ANKRD30B: variants seen among roughly 807,000 people sequenced by gnomAD.
The protein encoded by ANKRD30B is ankyrin repeat domain 30B.
ANKRD30B carries 144 observed loss-of-function variants against 202.2 expected under a neutral mutation model. The ratio of observed to expected loss-of-function variants is 0.71; its 90% CI spans 0.62 to 0.82. The LOEUF (loss-of-function observed/expected upper bound fraction) is 0.82, where lower values mean the gene tolerates loss of function less well. Ranked by LOEUF, ANKRD30B falls within the 40% of genes least tolerant of loss-of-function variation. The pLI is 0.00. For synonymous variants in ANKRD30B, 508 were observed against 561.3 expected (o/e 0.91, Z 1.34); for missense variants, 1,487 against 1,669.1 (o/e 0.89, Z 1.90).
the ANKRD30B span, among the ~76,000 whole-genome samples, chr18:14,938,141 C>T: frequency 6.6e-6 from 1 of 152,222 alleles, no homozygotes; most frequent in African/African-American, 2.4e-5. Flanking sequence ...TGCATAAACA[C>T]CGAGTCTCAG....
In ANKRD30B at chr18:14,796,438, T is replaced by C. The variant is rs767945807; in HGVS notation, c.1927+23T>C. ...CAGGTAAATTTTGTAATTTAACTTTTAATCTGTAATTAAGAATATTAAACT... is the reference window on the plus strand; with the variant it reads ...CAGGTAAATTTTGTAATTTAACTTTCAATCTGTAATTAAGAATATTAAACT... On this transcript the variant is annotated intron_variant, in intron 18 of 43. Coordinates refer to ENST00000690538, the MANE Select transcript of ANKRD30B (RefSeq NM_001367607.2). 22 of 1,534,272 alleles carry C rather than the reference T, an allele frequency of 1.4e-5. No homozygotes were observed. In the African/African-American group the frequency reaches 2.9e-4, roughly 20 times the overall value.
chr18:14,789,478 T>A (rs1300341331), intron 15 of ANKRD30B, among the ~76,000 whole-genome samples: 2 of 152,188 alleles, frequency 1.3e-5, no homozygotes, highest in Non-Finnish European at 2.9e-5. Flanking sequence ...GCCTATGTCC[T>A]GAATGGTAAT....
At chr18:14,837,056 C>T (rs1971206516) in intron 34 of ANKRD30B, 155 bp from the exon 35 acceptor site, 1 of 547,614 alleles carries the variant, frequency 1.8e-6, no homozygotes, top group Non-Finnish European at 3.3e-6. Flanking sequence ...TTCTGCTTCT[C>T]CCAGGATAGT....
At chr18:14,794,083 C>G (rs1193522347) in intron 16 of ANKRD30B, among the ~76,000 whole-genome samples, 1 of 152,106 alleles carries the variant, frequency 6.6e-6, no homozygotes, top group Non-Finnish European at 1.5e-5. Context: ...CACAGCCATA[C>G]ATTTCAATAG....
chr18:14,749,966 TA>T (rs1913165873), intron 1 of ANKRD30B, among the ~76,000 whole-genome samples: 1 of 151,846 alleles, frequency 6.6e-6, no homozygotes. Flanking sequence ...GAATATAGAT[TA>T]AAAATTTTTA....
Position 14,797,754 on chromosome 18 carries a change from T to TA in ANKRD30B, c.1957-26dup, listed in dbSNP as rs374004593. The TA allele has an allele frequency of 1.7e-4, 263 of 1,593,298 alleles. 1 individual carries two copies. The African/African-American group carries it at 2.7e-3, about 16-fold the overall frequency. On this transcript the variant is annotated intron_variant, in intron 19 of 43. Coordinates refer to ENST00000690538, the MANE Select transcript of ANKRD30B (RefSeq NM_001367607.2). The stretch of plus-strand genomic sequence containing the variant: ...TATTTTTGAAGTGTACATTATATAT[T>TA]AATTTTTGTGTTTCCGAACCCATTT...
the ANKRD30B span, among the ~76,000 whole-genome samples, chr18:14,866,374 G>T: frequency 7.3e-5 from 11 of 151,424 alleles, no homozygotes; most frequent in African/African-American, 2.2e-4. Flanking sequence ...GTGGTAGGAG[G>T]GGGGCTGGAG....
chr18:14,893,438 C>A, the ANKRD30B span, among the ~76,000 whole-genome samples: 4 of 148,758 alleles, frequency 2.7e-5, no homozygotes, highest in African/African-American at 1.0e-4. Context: ...TGGTGAAACC[C>A]CATCTCTACT....
At chr18:14,803,458 T>C (rs1182916449) in intron 23 of ANKRD30B, among the ~76,000 whole-genome samples, 7 of 134,238 alleles carry the variant, frequency 5.2e-5, no homozygotes, top group African/African-American at 1.7e-4. Context: ...CTTTCTGAAA[T>C]ATGCACGAGT....
chr18:14,798,641 G>GC (rs570664893), intron 20 of ANKRD30B, among the ~76,000 whole-genome samples: 260 of 152,168 alleles, frequency 1.7e-3, no homozygotes, highest in African/African-American at 5.9e-3. Flanking sequence ...ATATGGACAG[G>GC]CACCCCCCTC....
At chr18:14,750,906 T>TA (rs1215819067) in intron 1 of ANKRD30B, among the ~76,000 whole-genome samples, 4 of 152,090 alleles carry the variant, frequency 2.6e-5, no homozygotes, top group Non-Finnish European at 5.9e-5. Context: ...TGTTTTAATA[T>TA]AAAATGTTTT....
the ANKRD30B span, among the ~76,000 whole-genome samples, chr18:14,861,133 G>A: frequency 6.6e-6 from 1 of 152,126 alleles, no homozygotes; most frequent in Admixed American, 6.5e-5. Context: ...AAGGAGTTTG[G>A]CTCGTGAAAA....
chr18:14,931,903 CCCCCA>C, the ANKRD30B span, among the ~76,000 whole-genome samples: 1 of 144,626 alleles, frequency 6.9e-6, no homozygotes, highest in Admixed American at 6.9e-5. Flanking sequence ...TGTCCCAGGC[CCCCCA>C]CCCCACCTCC....
chr18:14,800,023 G>A (rs181950797), intron 22 of ANKRD30B, among the ~76,000 whole-genome samples: 1,682 of 151,866 alleles, frequency 0.011, 37 homozygotes, highest in African/African-American at 0.039. Flanking sequence ...TTAAGGTCAG[G>A]AGTCGCAGAC....
At chr18:14,874,404 G>A in the ANKRD30B span, among the ~76,000 whole-genome samples, 2 of 152,276 alleles carry the variant, frequency 1.3e-5, no homozygotes, top group Admixed American at 6.5e-5. Context: ...CTTAGCAATC[G>A]CTGGACTTAT....
chr18:14,758,927 C>T (rs9675858), intron 5 of ANKRD30B, among the ~76,000 whole-genome samples: 61,853 of 152,022 alleles, frequency 0.41, 13,339 homozygotes, highest in Non-Finnish European at 0.49. Context: ...TCATCTTATT[C>T]TGTAAAATCC....
chr18:14,866,860 C>T, the ANKRD30B span, among the ~76,000 whole-genome samples: 1 of 151,810 alleles, frequency 6.6e-6, no homozygotes, highest in Non-Finnish European at 1.5e-5. Context: ...CGTGCACTAC[C>T]AGCGGCGGGT....
chr18:14,834,843 TCTTA>T (rs1159902605), intron 34 of ANKRD30B, among the ~76,000 whole-genome samples: 1 of 152,020 alleles, frequency 6.6e-6, no homozygotes, highest in Non-Finnish European at 1.5e-5. Flanking sequence ...AAAATTTAAT[TCTTA>T]CTTCTTTTAG....
At chr18:14,907,565 C>T in the ANKRD30B span, among the ~76,000 whole-genome samples, 1 of 152,180 alleles carries the variant, frequency 6.6e-6, no homozygotes, top group African/African-American at 2.4e-5. Context: ...TGTGCTGAGG[C>T]ATGGACACGG....
Sources: allele counts gnomAD v4.1 joint callset (sites outside exome capture counted in the v4.1 genomes callset), GRCh38; gene constraint gnomAD v4.1.1; transcripts MANE v1.5; gene names NCBI Gene and HGNC (gene_info 2026-07-23, HGNC 2026-07-21).